Variants in DIDO1 observed in about 807,000 individuals in gnomAD.
DIDO1 encodes the protein death inducer-obliterator 1, also known as death-inducer obliterator 1.
In DIDO1, 16 loss-of-function variants were observed where a neutral mutation model predicts 99.4. That is an observed-to-expected ratio of 0.16 (90% CI 0.11 to 0.24). DIDO1 has a LOEUF of 0.24. DIDO1 is among the 10% of genes least tolerant of loss of function. The pLI, the probability that DIDO1 is intolerant of heterozygous loss-of-function variation, is 1.00. For synonymous variants in DIDO1, 1,366 were observed against 1,239.1 expected, an observed-to-expected ratio of 1.10 and a Z score of -2.15; for missense variants, 2,996 against 3,014.0, an observed-to-expected ratio of 0.99 and a Z score of 0.14.
chr20:62,928,869 A>G (rs1243336424), upstream of DIDO1: 1 of 152,112 alleles, frequency 6.6e-6, no homozygotes, highest in African/African-American at 2.4e-5. Flanking sequence ...TAAACAGTAC[A>G]CTTTTGTAAT....
Position 62,894,106 on chromosome 20 carries a change from A to C in DIDO1, c.2661T>G (p.His887Gln). 1 of 1,614,226 alleles carries C rather than the reference A, an allele frequency of 6.2e-7. No individual in the cohort carries two copies. Among genetic ancestry groups the C allele is most frequent in the Non-Finnish European group, 8.5e-7 (1 of 1,180,038 alleles). ...SVKKEDLKSK[H>Q]DSSAPDPAPD... ...GAGCTGGGTCAGGTGCAGAGCTGTC[A>C]TGCTTTGATTTTAAGTCTTCTTTCT... Residue 887 changes from histidine to glutamine, a missense_variant, in exon 12 of 16, where the codon CAT (histidine) becomes CAG (glutamine). By Grantham distance (24) the His-to-Gln change is conservative. Around this residue, in one of 5 missense-constraint regions of DIDO1, gnomAD observed 898 missense variants for 972.7 expected, o/e 0.92. Transcript: ENST00000395343. The surrounding 1 kb of genome is among the most constrained non-coding windows in gnomAD (Gnocchi z 4.4).
At position 62,878,703 on chromosome 20, in the gene DIDO1, T is replaced by C. The variant is rs2064144520; in HGVS notation, c.*530A>G. 6.6e-6 allele frequency: 1 copy of C among 152,312 alleles called. No individual in the cohort carries two copies. The highest frequency in any genetic ancestry group is 1.5e-5 in the Non-Finnish European group (1 of 68,096). The allele number at this position is 152,312 out of a possible 1,614,324, so 9.4% of individuals were successfully genotyped here. ...TGTGTTTCTGTTTCCCAGTTGAAAA[T>C]TGTAATTCCAATTTTATGACAAAAG... On this transcript the variant is annotated 3_prime_UTR_variant, in exon 16 of 16. Coordinates refer to ENST00000395343, the MANE Select transcript of DIDO1 (RefSeq NM_001193369.2).
chr20:62,887,072 C>A, intron 15 of DIDO1: 3 of 977,220 alleles, frequency 3.1e-6, no homozygotes, highest in Non-Finnish European at 3.6e-6. Context: ...GCCTGCACTG[C>A]GTCCTCTCCA....
Position 62,879,978 on chromosome 20 carries a change from C to A in DIDO1, c.5978G>T (p.Arg1993Leu). Residue 1993 changes from arginine to leucine, a missense_variant, in exon 16 of 16, where the codon CGG (arginine) becomes CTG (leucine). This residue lies in a region of DIDO1 where 1,562 missense variants were observed against 1,412.6 expected (regional missense o/e 1.11). Transcript: ENST00000395343. The surrounding 1 kb of genome is among the most constrained non-coding windows in gnomAD (Gnocchi z 6.3). ...TTTTTCAGAAAAGGGTGCGGACCCCCGTAGTCCACCAAACTGCAGGGGTGC... is the reference window on the plus strand; with the variant it reads ...TTTTTCAGAAAAGGGTGCGGACCCCAGTAGTCCACCAAACTGCAGGGGTGC... The part of the protein sequence containing the change: ...APAPLQFGGL[R>L]GSAPFSEKNE... The A allele has an allele frequency of 6.2e-7, 1 of 1,611,588 alleles. No individual in the cohort carries two copies. Among genetic ancestry groups the A allele is most frequent in the Non-Finnish European group, 8.5e-7 (1 of 1,179,714 alleles).
In DIDO1 at chr20:62,918,697, A is replaced by C. The variant is rs2065082226; in HGVS notation, c.-199-4291T>G. On this transcript the variant is annotated intron_variant, in intron 1 of 15. Coordinates refer to ENST00000395343, the MANE Select transcript of DIDO1 (RefSeq NM_001193369.2). ...AAAACAATTTTAACCCGCCAGTCAG[A>C]AATTATAATGCTACAATAAAACCTC... Among the ~76,000 whole-genome samples, 13 of 152,354 alleles carry C rather than the reference A, an allele frequency of 8.5e-5. No homozygotes were observed. The South Asian group carries it at 2.5e-3, about 29-fold the overall frequency.
chr20:62,915,231 T>C (rs1025868121), intron 1 of DIDO1, among the ~76,000 whole-genome samples: 1 of 152,146 alleles, frequency 6.6e-6, no homozygotes, highest in Admixed American at 6.5e-5. Context: ...TCCCAGCTGC[T>C]TGGGAGGACT....
Position 62,879,234 on chromosome 20 carries a change from T to G in DIDO1, c.6722A>C (p.Ter2241SerextTer10). 5.3e-6 allele frequency: 8 copies of G among 1,517,006 alleles called. No individual in the cohort carries two copies. Among genetic ancestry groups the G allele is most frequent in the Non-Finnish European group, 6.2e-6 (7 of 1,137,992 alleles). The allele number at this position is 1,517,006 out of a possible 1,614,324, so 94.0% of individuals were successfully genotyped here. ...ASDAGTASQA[*>S] Reference sequence around the variant, plus strand: ...AGGGTCTCTGCCCGGCCGGGGCGTCTAGGCCTGCGAGGCGGTGCCAGCGTC... The same window carrying G: ...AGGGTCTCTGCCCGGCCGGGGCGTCGAGGCCTGCGAGGCGGTGCCAGCGTC... The change falls in exon 16 of 16, where the codon TAG (stop) becomes TCG (serine). Residue 2241 changes from the stop codon to serine, a stop_lost. Transcript: ENST00000395343. The surrounding 1 kb of genome is among the most constrained non-coding windows in gnomAD (Gnocchi z 6.3).
chr20:62,886,047 G>GA (rs1406145633), intron 15 of DIDO1, among the ~76,000 whole-genome samples: 1 of 152,254 alleles, frequency 6.6e-6, no homozygotes, highest in African/African-American at 2.4e-5. Flanking sequence ...GGAAGGTGCA[G>GA]AGACTGAGGC....
intron 15 of DIDO1, 99 bp downstream of exon 15, chr20:62,890,861 G>C (rs930546228): frequency 1.2e-6 from 2 of 1,600,326 alleles, no homozygotes; most frequent in Admixed American, 3.4e-5. Context: ...CCTGCTCCCA[G>C]AGAGCCCTGG....
At chr20:62,905,335 C>G (rs1600979119) in intron 6 of DIDO1, 9 of 1,430,774 alleles carry the variant, frequency 6.3e-6, no homozygotes, top group Non-Finnish European at 7.3e-6. Flanking sequence ...GTGAATCGGA[C>G]ATGGAAAAAA....
At position 62,880,267 on chromosome 20, in the gene DIDO1, G is replaced by C. The variant is rs771500423; in HGVS notation, c.5689C>G (p.Leu1897Val). 6.2e-7 allele frequency: 1 copy of C among 1,612,680 alleles called. No individual in the cohort carries two copies. Among genetic ancestry groups the C allele is most frequent in the Admixed American group, 1.7e-5 (1 of 60,030 alleles). ...FQFGGQRRPL[L>V]SQLKGPRGGP... Reference sequence around the variant, plus strand: ...CCTCGGGGGCCTTTCAGCTGAGACAGCAGTGGCCTTCTCTGGCCTCCGAAC... The same window carrying C: ...CCTCGGGGGCCTTTCAGCTGAGACACCAGTGGCCTTCTCTGGCCTCCGAAC... The change falls in exon 16 of 16, where the codon CTG becomes GTG. Residue 1897 changes from leucine (L) to valine (V), a missense_variant. Leu to Val is a conservative substitution (Grantham distance 32). This residue lies in a region of DIDO1 where 1,562 missense variants were observed against 1,412.6 expected (regional missense o/e 1.11). Coordinates refer to ENST00000395343, the MANE Select transcript of DIDO1 (RefSeq NM_001193369.2).
chr20:62,911,728 AAAGC>A lies in DIDO1; in HGVS notation c.-2-118_-2-115del. 3 of 873,542 alleles carry A rather than the reference AAAGC, an allele frequency of 3.4e-6. No homozygotes were observed. The highest frequency in any genetic ancestry group is 5.1e-6 in the Non-Finnish European group (3 of 590,500). 54.1% of individuals were successfully genotyped at this position (873,542 alleles called of 1,614,324 possible). On this transcript the variant is annotated intron_variant, in intron 2 of 15. Transcript: ENST00000395343. The surrounding 1 kb of genome is among the most constrained non-coding windows in gnomAD (Gnocchi z 7.0). ...CCCTACAAACAGTGGAGCTCTACATAAAGCAAGTCCTTCTGACCAGTGTTTCCTA... is the reference window on the plus strand; with the variant it reads ...CCCTACAAACAGTGGAGCTCTACATAAAGTCCTTCTGACCAGTGTTTCCTA...
At position 62,879,826 on chromosome 20, in the gene DIDO1, C is replaced by G. The variant is rs1359457564; in HGVS notation, c.6130G>C (p.Ala2044Pro). The change falls in exon 16 of 16, where the codon GCC becomes CCC. Residue 2044 changes from alanine (A) to proline (P), a missense_variant. Ala to Pro is a conservative substitution (Grantham distance 27). Around this residue, in one of 5 missense-constraint regions of DIDO1, gnomAD observed 1,562 missense variants for 1,412.6 expected, o/e 1.11. Transcript: ENST00000395343. The surrounding 1 kb of genome is among the most constrained non-coding windows in gnomAD (Gnocchi z 6.3). ...PQHRKDRWEE[A>P]GPPSALSSSA... ...GAGGAGAGCGCGGAGGGCGGCCCGG[C>G]CTCCTCCCAGCGGTCCTTCCGGTGC... 6.2e-7 allele frequency: 1 copy of G among 1,608,710 alleles called. No individual in the cohort carries two copies. Among genetic ancestry groups the G allele is most frequent in the East Asian group, 2.2e-5 (1 of 44,826 alleles).
At chr20:62,917,339 C>T (rs79400697) in intron 1 of DIDO1, among the ~76,000 whole-genome samples, 2 of 152,224 alleles carry the variant, frequency 1.3e-5, no homozygotes, top group East Asian at 1.9e-4. Flanking sequence ...CCGATAATGT[C>T]GGGTCCAATC....
chr20:62,916,549 C>A (rs1047244077), intron 1 of DIDO1, among the ~76,000 whole-genome samples: 1 of 152,164 alleles, frequency 6.6e-6, no homozygotes, highest in Non-Finnish European at 1.5e-5. Flanking sequence ...CCTATTAATA[C>A]ATTAATAGTA....
At position 62,881,378 on chromosome 20, in the gene DIDO1, C is replaced by G; in HGVS notation, c.4578G>C (p.Lys1526Asn). The change falls in exon 16 of 16, where the codon AAG (lysine) becomes AAC (asparagine). Residue 1526 changes from lysine (K) to asparagine (N), a missense_variant. Lys to Asn is a moderately conservative substitution (Grantham distance 94). Coordinates refer to ENST00000395343, the MANE Select transcript of DIDO1 (RefSeq NM_001193369.2). This position sits in a 1 kb window ranked among gnomAD's most constrained non-coding sequence, Gnocchi z 8.3. ...ACAGCTCTGCCTTGGGCAAGGACGA[C>G]TTTGGTGGTGGAGACATCAAGGCGT... ...VSDALMSPPP[K>N]SSLPKAELFQ... The G allele has an allele frequency of 1.2e-6, 2 of 1,607,064 alleles. No individual in the cohort carries two copies. Among genetic ancestry groups the G allele is most frequent in the Non-Finnish European group, 1.7e-6 (2 of 1,179,910 alleles).
intron 1 of DIDO1, among the ~76,000 whole-genome samples, chr20:62,924,676 T>C (rs1035567743): frequency 1.3e-5 from 2 of 152,176 alleles, no homozygotes; most frequent in Admixed American, 1.3e-4. Context: ...CAACCGATGA[T>C]CCGCACGTCC....
At chr20:62,891,521 C>T (rs578130050) in intron 14 of DIDO1, among the ~76,000 whole-genome samples, 3 of 152,298 alleles carry the variant, frequency 2.0e-5, no homozygotes, top group Admixed American at 2.0e-4. Context: ...ACACGCACAG[C>T]TGTAGCTAAA....
rs566745964 is a variant in DIDO1 at position 62,910,808 on chromosome 20, G to A, written c.805C>T (p.Leu269=). The A allele has an allele frequency of 5.0e-6, 8 of 1,614,210 alleles. No homozygotes were observed. The East Asian group carries it at 1.6e-4, about 31-fold the overall frequency. ...TGAGGCTGGCGGCAAATGCAATACA[G>A]GGCGTTGGGGTCGTAACCCTCACAT... The part of the protein sequence containing the change: ...PECEGYDPNA[L]YCICRQPHNN... Residue 269 remains leucine (L), a synonymous_variant, in exon 3 of 16, where the codon CTG becomes TTG. Transcript: ENST00000395343.
Sources: allele counts gnomAD v4.1 joint callset (sites outside exome capture counted in the v4.1 genomes callset), GRCh38; gene constraint gnomAD v4.1.1; regional missense constraint gnomAD v4.1.1; non-coding constraint Gnocchi (gnomAD v3.1); transcripts MANE v1.5; gene names NCBI Gene and HGNC (gene_info 2026-07-23, HGNC 2026-07-21).